FAM53A: variants seen among roughly 807,000 people sequenced by gnomAD.
FAM53A encodes protein FAM53A.
In FAM53A, 28 loss-of-function variants were observed where a neutral mutation model predicts 26.6. That is an observed-to-expected ratio of 1.05 (90% CI 0.78 to 1.45). The LOEUF is 1.45. Ranked by LOEUF, FAM53A falls within the 40% of genes most tolerant of loss-of-function variation. The probability of loss-of-function intolerance (pLI) is 0.00; values close to 1 mark genes in which losing one functional copy is unlikely to be tolerated. For missense variants in FAM53A, 650 were observed against 575.8 expected, an observed-to-expected ratio of 1.13 and a Z score of -1.32; for synonymous variants, 290 against 253.1, an observed-to-expected ratio of 1.15 and a Z score of -1.38.
chr4:1,609,459 G>A, the FAM53A span, among the ~76,000 whole-genome samples: 62 of 152,152 alleles, frequency 4.1e-4, 1 homozygote, highest in South Asian at 0.011. Flanking sequence ...GGAGGGACTC[G>A]GTGGAGGTAA....
At chr4:1,633,908 TC>T (rs1715723159) in intron 1 of FAM53A, among the ~76,000 whole-genome samples, 1 of 150,786 alleles carries the variant, frequency 6.6e-6, no homozygotes, top group Non-Finnish European at 1.5e-5. Context: ...GACTGGGGGG[TC>T]TGGCTACAGG....
At position 1,647,607 on chromosome 4, in the gene FAM53A, G is replaced by A. The variant is rs534983628; in HGVS notation, c.883-6000C>T. Among the ~76,000 whole-genome samples the A allele has an allele frequency of 4.6e-5, 7 of 152,340 alleles. No homozygotes were observed. The South Asian group carries it at 1.4e-3, about 32-fold the overall frequency. Reference sequence around the variant, plus strand: ...TGCGCACGCAGACTGCACAACACACGCCAGGGACGCCGGACTAGAGCTGGG... The same window carrying A: ...TGCGCACGCAGACTGCACAACACACACCAGGGACGCCGGACTAGAGCTGGG... On this transcript the variant is annotated intron_variant, in intron 4 of 4. Transcript: ENST00000308132.
At chr4:1,673,836 C>A (rs1714849252) in intron 1 of FAM53A, among the ~76,000 whole-genome samples, 1 of 152,270 alleles carries the variant, frequency 6.6e-6, no homozygotes, top group South Asian at 2.1e-4. Flanking sequence ...AGCTCTGGCA[C>A]GCGGGAGGCG....
At chr4:1,593,323 C>A in the FAM53A span, among the ~76,000 whole-genome samples, 1 of 152,056 alleles carries the variant, frequency 6.6e-6, no homozygotes, top group Non-Finnish European at 1.5e-5. Flanking sequence ...TCAGCCCAGG[C>A]CAGGGGAGGC....
intron 1 of FAM53A, among the ~76,000 whole-genome samples, chr4:1,622,231 C>T (rs1324704015): frequency 6.6e-6 from 1 of 152,114 alleles, no homozygotes; most frequent in Non-Finnish European, 1.5e-5. Flanking sequence ...CATCAGGATG[C>T]CAGCCTCGGC....
chr4:1,617,976 G>T, exon 2 of FAM53A: 5 of 454,480 alleles, frequency 1.1e-5, no homozygotes, highest in South Asian at 7.8e-5. Flanking sequence ...CACCACAACA[G>T]AACTGACGTG....
At chr4:1,627,039 G>A (rs1715337619) in intron 1 of FAM53A, among the ~76,000 whole-genome samples, 1 of 152,206 alleles carries the variant, frequency 6.6e-6, no homozygotes, top group African/African-American at 2.4e-5. Flanking sequence ...AGTGAGGCCA[G>A]CCAGAGGCAC....
chr4:1,665,828 T>TGGGA (rs1353525187), intron 2 of FAM53A, among the ~76,000 whole-genome samples: 1 of 152,026 alleles, frequency 6.6e-6, no homozygotes, highest in Non-Finnish European at 1.5e-5. Context: ...AGATGAAGAA[T>TGGGA]GGGAGGGAGG....
intron 1 of FAM53A, among the ~76,000 whole-genome samples, chr4:1,678,081 A>C (rs1258303291): frequency 6.6e-6 from 1 of 152,162 alleles, no homozygotes; most frequent in Non-Finnish European, 1.5e-5. Context: ...TGTCATCAAG[A>C]CCGTGTGTGC....
the FAM53A span, among the ~76,000 whole-genome samples, chr4:1,582,922 C>G: frequency 4.1e-3 from 619 of 152,332 alleles, 3 homozygotes; most frequent in African/African-American, 0.015. Context: ...GATTGGATTT[C>G]TAGGTCCCAG....
the FAM53A span, among the ~76,000 whole-genome samples, chr4:1,595,206 G>A: frequency 8.5e-5 from 13 of 152,200 alleles, no homozygotes; most frequent in African/African-American, 3.1e-4. Context: ...AGGGACCCCC[G>A]CCCACCTCCA....
chr4:1,658,112 G>A (rs1031496552), intron 2 of FAM53A, among the ~76,000 whole-genome samples: 5 of 151,762 alleles, frequency 3.3e-5, no homozygotes, highest in African/African-American at 1.2e-4. Context: ...CCGGGTTCAC[G>A]CCATTCTCCT....
At chr4:1,667,586 A>G (rs971489510) in intron 2 of FAM53A, among the ~76,000 whole-genome samples, 1 of 152,134 alleles carries the variant, frequency 6.6e-6, no homozygotes, top group Non-Finnish European at 1.5e-5. Context: ...AGCTCTCGGG[A>G]GGAGAGGCTT....
chr4:1,586,415 A>G, the FAM53A span, among the ~76,000 whole-genome samples: 1 of 151,844 alleles, frequency 6.6e-6, no homozygotes, highest in Non-Finnish European at 1.5e-5. Flanking sequence ...GGCTGGTCTC[A>G]AACTCCTGAC....
At chr4:1,621,351 G>A (rs1306635591) in intron 1 of FAM53A, among the ~76,000 whole-genome samples, 5 of 152,144 alleles carry the variant, frequency 3.3e-5, no homozygotes, top group South Asian at 2.1e-4. Context: ...TGATCCACCC[G>A]CCTCGGCCTC....
intron 1 of FAM53A, among the ~76,000 whole-genome samples, chr4:1,669,774 G>C (rs894631612): frequency 6.6e-6 from 1 of 152,178 alleles, no homozygotes; most frequent in Non-Finnish European, 1.5e-5. Context: ...CTCTGCCCTC[G>C]GAGTGATACG....
the FAM53A span, among the ~76,000 whole-genome samples, chr4:1,593,069 C>A: frequency 1.3e-5 from 2 of 152,196 alleles, no homozygotes; most frequent in Non-Finnish European, 2.9e-5. Context: ...CACGAGCGGG[C>A]GCAGCAGAGG....
At chr4:1,620,818 C>A (rs577744325) in intron 1 of FAM53A, among the ~76,000 whole-genome samples, 2 of 152,318 alleles carry the variant, frequency 1.3e-5, no homozygotes, top group Admixed American at 1.3e-4. Flanking sequence ...ACACTGCCAT[C>A]AACACGGTAG....
At chr4:1,643,124 GC>G (rs1711883622) in intron 4 of FAM53A, among the ~76,000 whole-genome samples, 1 of 152,166 alleles carries the variant, frequency 6.6e-6, no homozygotes, top group South Asian at 2.1e-4. Context: ...AAAGCACATG[GC>G]CCTCGGGGAC....
Sources: gnomAD v4.1 joint callset for allele counts (sites outside exome capture counted in the v4.1 genomes callset) on GRCh38, gnomAD v4.1.1 for gene constraint, MANE v1.5 for transcripts, NCBI Gene and HGNC (gene_info 2026-07-23, HGNC 2026-07-21) for gene names.